The following UBAC2 variants were observed in gnomAD, a reference collection of about 807,000 sequenced individuals.
UBAC2 encodes the protein UBA domain containing 2, also known as ubiquitin-associated domain-containing protein 2.
Under a neutral mutation model 44.0 loss-of-function variants are expected in UBAC2, and 26 were observed. The ratio of observed to expected loss-of-function variants is 0.59; its 90% CI spans 0.43 to 0.82. The LOEUF is 0.82. Among genes scored for constraint, UBAC2 ranks in the 40% least tolerant of loss-of-function variants. The pLI is 0.00. For missense variants in UBAC2, 329 were observed against 419.4 expected (o/e 0.78, Z 1.88); for synonymous variants, 155 against 154.3 (o/e 1.00, Z -0.04).
intron 8 of UBAC2, among the ~76,000 whole-genome samples, chr13:99,379,102 A>C (rs1335858637): frequency 6.6e-6 from 1 of 152,242 alleles, no homozygotes; most frequent in African/African-American, 2.4e-5. Flanking sequence ...CTAGTTAAAC[A>C]TGCCTTTTTG....
At chr13:99,322,350 A>G (rs1352207560) in intron 6 of UBAC2, among the ~76,000 whole-genome samples, 1 of 152,100 alleles carries the variant, frequency 6.6e-6, no homozygotes, top group East Asian at 1.9e-4. Flanking sequence ...GAACTTCTTC[A>G]TTTTCTACAG....
At chr13:99,207,212 G>A (rs1395526660) in intron 1 of UBAC2, among the ~76,000 whole-genome samples, 1 of 152,226 alleles carries the variant, frequency 6.6e-6, no homozygotes, top group Non-Finnish European at 1.5e-5. Flanking sequence ...AGAGTATAGA[G>A]GTGTAGCACA....
At chr13:99,220,093 C>T (rs2043037945) in intron 1 of UBAC2, among the ~76,000 whole-genome samples, 1 of 152,104 alleles carries the variant, frequency 6.6e-6, no homozygotes, top group Admixed American at 6.5e-5. Context: ...ATTGCTAGGT[C>T]ATGTCATAAT....
At chr13:99,324,581 T>A (rs575634724) in intron 6 of UBAC2, among the ~76,000 whole-genome samples, 85 of 152,372 alleles carry the variant, frequency 5.6e-4, no homozygotes, top group African/African-American at 1.8e-3. Context: ...TGACTAATAG[T>A]ACTCTTTTCT....
At chr13:99,378,876 A>T (rs2045516157) in intron 8 of UBAC2, among the ~76,000 whole-genome samples, 1 of 152,252 alleles carries the variant, frequency 6.6e-6, no homozygotes, top group South Asian at 2.1e-4. Context: ...TCATTGATCT[A>T]AGAATACCTT....
intron 1 of UBAC2, among the ~76,000 whole-genome samples, chr13:99,225,339 A>G (rs145421823): frequency 1.3e-5 from 2 of 152,130 alleles, no homozygotes; most frequent in East Asian, 3.9e-4. Flanking sequence ...TCTGGCAACC[A>G]CTTTTCTACT....
intron 4 of UBAC2, among the ~76,000 whole-genome samples, chr13:99,256,945 C>G (rs542812918): frequency 4.2e-4 from 64 of 152,208 alleles, no homozygotes; most frequent in South Asian, 2.3e-3. Context: ...TGAAATCAGC[C>G]CAGAATTTCT....
chr13:99,309,303 G>T (rs1021869265), intron 4 of UBAC2, among the ~76,000 whole-genome samples: 2 of 152,042 alleles, frequency 1.3e-5, no homozygotes, highest in Non-Finnish European at 2.9e-5. Context: ...TAGAGACAAG[G>T]TTTCACCATG....
At chr13:99,240,109 GT>G (rs1373424390) in intron 2 of UBAC2, among the ~76,000 whole-genome samples, 1 of 152,176 alleles carries the variant, frequency 6.6e-6, no homozygotes, top group African/African-American at 2.4e-5. Context: ...GGAGGGCTCA[GT>G]TGATGAAGGG....
intron 4 of UBAC2, among the ~76,000 whole-genome samples, chr13:99,246,598 G>A (rs2043386461): frequency 6.6e-6 from 1 of 152,126 alleles, no homozygotes; most frequent in Non-Finnish European, 1.5e-5. Context: ...TTTTCCTGCT[G>A]CACATGGAAT....
At chr13:99,237,210 A>G (rs1038383440) in intron 1 of UBAC2, among the ~76,000 whole-genome samples, 1 of 151,562 alleles carries the variant, frequency 6.6e-6, no homozygotes, top group Admixed American at 6.6e-5. Flanking sequence ...TGAGTTTCCA[A>G]TGAATGGGAA....
chr13:99,324,973 C>T (rs2044618249), intron 6 of UBAC2, among the ~76,000 whole-genome samples: 1 of 152,154 alleles, frequency 6.6e-6, no homozygotes, highest in African/African-American at 2.4e-5. Context: ...TCACATAACA[C>T]ATTTCTCAGA....
At chr13:99,238,624 T>G (rs749557744) in intron 2 of UBAC2, 70 bp downstream of exon 2, 31 of 1,395,512 alleles carry the variant, frequency 2.2e-5, no homozygotes, top group African/African-American at 2.9e-5. Context: ...AGATTTGCTT[T>G]TTCTTCCTGC....
intron 1 of UBAC2, chr13:99,201,359 C>G (rs1472237298): frequency 1.3e-6 from 2 of 1,567,742 alleles, no homozygotes; most frequent in African/African-American, 1.4e-5. Context: ...CCCCCGCCCC[C>G]ACTTGCAAAG....
chr13:99,338,161 G>T (rs1227264028), intron 6 of UBAC2, among the ~76,000 whole-genome samples: 2 of 141,608 alleles, frequency 1.4e-5, no homozygotes, highest in Non-Finnish European at 3.0e-5. Flanking sequence ...AGGTTCAAGC[G>T]ATTCTTGTGC....
intron 4 of UBAC2, among the ~76,000 whole-genome samples, chr13:99,246,654 C>G (rs2043387138): frequency 6.6e-6 from 1 of 152,130 alleles, no homozygotes; most frequent in South Asian, 2.1e-4. Flanking sequence ...ATTTTGGAAT[C>G]CCATTAACTA....
At chr13:99,308,014 G>T (rs2044361659) in intron 4 of UBAC2, 1 of 152,176 alleles carries the variant, frequency 6.6e-6, no homozygotes, top group African/African-American at 2.4e-5. Flanking sequence ...ACAGTTGAAG[G>T]GAGGCCCATT....
intron 8 of UBAC2, among the ~76,000 whole-genome samples, chr13:99,381,184 G>T (rs2045545933): frequency 1.3e-5 from 2 of 152,244 alleles, no homozygotes; most frequent in Non-Finnish European, 2.9e-5. Flanking sequence ...CCTCTCCAGG[G>T]CAGGGCCTGC....
intron 1 of UBAC2, among the ~76,000 whole-genome samples, chr13:99,207,681 A>C (rs1019072714): frequency 6.9e-6 from 1 of 145,776 alleles, no homozygotes; most frequent in African/African-American, 2.4e-5. Flanking sequence ...TGATGAGCCT[A>C]AGGTCCACTG....
Sources: allele counts gnomAD v4.1 joint callset (sites outside exome capture counted in the v4.1 genomes callset), GRCh38; gene constraint gnomAD v4.1.1; transcripts MANE v1.5; gene names NCBI Gene and HGNC (gene_info 2026-07-23, HGNC 2026-07-21).